FAM171B: variants seen among roughly 807,000 people sequenced by gnomAD.
The protein encoded by FAM171B is protein FAM171B.
In FAM171B, 19 loss-of-function variants were observed where a neutral mutation model predicts 75.6. That is an observed-to-expected ratio of 0.25 (90% CI 0.18 to 0.37). The LOEUF (loss-of-function observed/expected upper bound fraction) is 0.37. Ranked by LOEUF, FAM171B falls within the 10% of genes least tolerant of loss-of-function variation. FAM171B has a pLI of 1.00. For missense variants in FAM171B, 848 were observed against 982.4 expected, an observed-to-expected ratio of 0.86 and a Z score of 1.83; for synonymous variants, 367 against 361.7, an observed-to-expected ratio of 1.01 and a Z score of -0.17.
At chr2:186,696,757 A>G (rs1689587161) in intron 1 of FAM171B, among the ~76,000 whole-genome samples, 2 of 151,990 alleles carry the variant, frequency 1.3e-5, no homozygotes, top group African/African-American at 4.8e-5. Context: ...TGTCTCAGTA[A>G]CTGACAGACC....
At chr2:186,749,834 G>C (rs1226785198) in intron 4 of FAM171B, among the ~76,000 whole-genome samples, 2 of 152,102 alleles carry the variant, frequency 1.3e-5, no homozygotes, top group Non-Finnish European at 2.9e-5. Context: ...CTGCAGCTCA[G>C]ATGTGCCCTC....
At chr2:186,748,781 G>A (rs1294374193) in intron 4 of FAM171B, among the ~76,000 whole-genome samples, 2 of 152,096 alleles carry the variant, frequency 1.3e-5, no homozygotes, top group Non-Finnish European at 2.9e-5. Flanking sequence ...TTATCTCAGG[G>A]TCTGCTGCTT....
intron 1 of FAM171B, among the ~76,000 whole-genome samples, chr2:186,733,147 T>C (rs1428310967): frequency 1.3e-5 from 2 of 152,218 alleles, no homozygotes; most frequent in Non-Finnish European, 2.9e-5. Context: ...GAGACTTTGG[T>C]CAATTTTCAT....
intron 1 of FAM171B, among the ~76,000 whole-genome samples, chr2:186,711,632 C>T (rs1689810385): frequency 6.6e-6 from 1 of 151,968 alleles, no homozygotes; most frequent in African/African-American, 2.4e-5. Context: ...CCTTGTATTC[C>T]ATGACTTAAT....
chr2:186,694,299 C>A lies in FAM171B; in HGVS notation c.126C>A (p.Ile42=), dbSNP rs1559078328. 1.3e-6 allele frequency: 2 copies of A among 1,514,054 alleles called. No individual in the cohort carries two copies. Among genetic ancestry groups the A allele is most frequent in the Non-Finnish European group, 1.8e-6 (2 of 1,129,504 alleles). 93.8% of individuals were successfully genotyped at this position (1,514,054 alleles called of 1,614,324 possible). ...AELSRSDLSL[I]QQQQQQQQQQ... is the part of the protein sequence containing the mutation. ...TCAGCCGCTCCGACCTCAGCCTCAT[C>A]CAACAGCAGCAGCAGCAGCAGCAAC... Residue 42 remains isoleucine (I), a synonymous_variant, in exon 1 of 8, where the codon ATC becomes ATA. Transcript: ENST00000304698.
chr2:186,697,807 T>C (rs1412765646), intron 1 of FAM171B, among the ~76,000 whole-genome samples: 2 of 152,188 alleles, frequency 1.3e-5, no homozygotes, highest in African/African-American at 2.4e-5. Context: ...TAGTATTCTC[T>C]GGATTTTATT....
intron 1 of FAM171B, among the ~76,000 whole-genome samples, chr2:186,733,832 G>A (rs905711569): frequency 2.6e-5 from 4 of 152,138 alleles, no homozygotes; most frequent in Non-Finnish European, 4.4e-5. Context: ...AGTGGCACCC[G>A]GGAGCTTGGA....
chr2:186,725,408 C>G (rs972543641), intron 1 of FAM171B, among the ~76,000 whole-genome samples: 2 of 152,064 alleles, frequency 1.3e-5, no homozygotes, highest in African/African-American at 2.4e-5. Flanking sequence ...AAACATGACC[C>G]TGATCTTAGG....
chr2:186,759,448 A>G (rs1690582828), intron 6 of FAM171B, among the ~76,000 whole-genome samples: 1 of 152,148 alleles, frequency 6.6e-6, no homozygotes, highest in South Asian at 2.1e-4. Flanking sequence ...ATGTTAATTT[A>G]CATTCTCACC....
At chr2:186,721,318 T>C (rs1315767760) in intron 1 of FAM171B, among the ~76,000 whole-genome samples, 3 of 152,176 alleles carry the variant, frequency 2.0e-5, no homozygotes, top group African/African-American at 7.2e-5. Flanking sequence ...TGAGAATTGC[T>C]GTTCTGAGCC....
chr2:186,750,476 A>G (rs1364576132), intron 4 of FAM171B, among the ~76,000 whole-genome samples: 4 of 152,176 alleles, frequency 2.6e-5, no homozygotes, highest in African/African-American at 9.7e-5. Flanking sequence ...ATCTAAGTTT[A>G]TATTCTTTCA....
intron 1 of FAM171B, among the ~76,000 whole-genome samples, chr2:186,699,674 G>C (rs1468998066): frequency 1.3e-5 from 2 of 152,062 alleles, no homozygotes; most frequent in African/African-American, 4.8e-5. Flanking sequence ...TGCTTGTAGG[G>C]TATTACTCAA....
intron 1 of FAM171B, among the ~76,000 whole-genome samples, chr2:186,705,557 GAA>G (rs1689722378): frequency 6.6e-6 from 1 of 152,120 alleles, no homozygotes; most frequent in African/African-American, 2.4e-5. Flanking sequence ...TCTGACCCCT[GAA>G]AGGGGTCAGA....
intron 5 of FAM171B, 133 bp from the exon 6 acceptor site, chr2:186,753,800 G>T: frequency 1.7e-6 from 1 of 599,844 alleles, no homozygotes; most frequent in Non-Finnish European, 3.0e-6. Context: ...AATATGATGT[G>T]ATATATATTA....
At chr2:186,750,457 A>C (rs1690435770) in intron 4 of FAM171B, among the ~76,000 whole-genome samples, 1 of 152,202 alleles carries the variant, frequency 6.6e-6, no homozygotes, top group African/African-American at 2.4e-5. Flanking sequence ...GTCTAGTATT[A>C]TATTTAAAAT....
chr2:186,717,808 C>T (rs997871763), intron 1 of FAM171B, among the ~76,000 whole-genome samples: 7 of 152,102 alleles, frequency 4.6e-5, no homozygotes, highest in Non-Finnish European at 1.0e-4. Flanking sequence ...GTTTCCAAAG[C>T]ACATGACTTA....
intron 1 of FAM171B, among the ~76,000 whole-genome samples, chr2:186,725,358 A>AAG (rs1553510309): frequency 1.3e-5 from 2 of 151,512 alleles, no homozygotes; most frequent in African/African-American, 2.4e-5. Context: ...AAAAAAAAAA[A>AAG]GAATTTTACT....
intron 1 of FAM171B, among the ~76,000 whole-genome samples, chr2:186,725,109 C>A (rs1690011244): frequency 6.6e-6 from 1 of 152,084 alleles, no homozygotes; most frequent in African/African-American, 2.4e-5. Context: ...CTTTGGGAGG[C>A]CGAGGCAGGC....
At chr2:186,709,373 A>G (rs1689779672) in intron 1 of FAM171B, among the ~76,000 whole-genome samples, 1 of 152,210 alleles carries the variant, frequency 6.6e-6, no homozygotes, top group Admixed American at 6.5e-5. Context: ...AAATAAATAT[A>G]GCTTCTTCCA....
Sources: allele counts gnomAD v4.1 joint callset (sites outside exome capture counted in the v4.1 genomes callset), GRCh38; gene constraint gnomAD v4.1.1; transcripts MANE v1.5; gene names NCBI Gene and HGNC (gene_info 2026-07-23, HGNC 2026-07-21).